ALDH1A2: variants seen among roughly 807,000 people sequenced by gnomAD.
ALDH1A2 encodes aldehyde dehydrogenase 1 family member A2, also known as retinal dehydrogenase 2.
In ALDH1A2, 27 loss-of-function variants were observed where a neutral mutation model predicts 60.3. That is an observed-to-expected ratio of 0.45 (90% CI 0.33 to 0.62). ALDH1A2 has a LOEUF of 0.62. ALDH1A2 is among the 20% of genes least tolerant of loss of function. The pLI is 0.02. For missense variants in ALDH1A2, 581 were observed against 643.8 expected (o/e 0.90, Z 1.06); for synonymous variants, 289 against 232.4 (o/e 1.24, Z -2.21).
At chr15:58,023,706 T>C (rs975466398) in intron 1 of ALDH1A2, among the ~76,000 whole-genome samples, 16 of 146,750 alleles carry the variant, frequency 1.1e-4, no homozygotes, top group Non-Finnish European at 1.9e-4. Context: ...TCTAGCAAAA[T>C]TATCCTTCAC....
chr15:58,033,133 T>C (rs1377733109), intron 1 of ALDH1A2, among the ~76,000 whole-genome samples: 1 of 151,996 alleles, frequency 6.6e-6, no homozygotes, highest in Non-Finnish European at 1.5e-5. Flanking sequence ...TTAACAAAAA[T>C]GTACTGTACT....
intron 7 of ALDH1A2, among the ~76,000 whole-genome samples, chr15:57,982,547 A>C (rs988893746): frequency 6.6e-6 from 1 of 152,168 alleles, no homozygotes; most frequent in Non-Finnish European, 1.5e-5. Flanking sequence ...AGAGAAATTA[A>C]CTCAGGCTGA....
At chr15:57,956,304 A>AAAAAC (rs1471950597) in intron 12 of ALDH1A2, among the ~76,000 whole-genome samples, 3 of 152,234 alleles carry the variant, frequency 2.0e-5, no homozygotes, top group African/African-American at 7.2e-5. Context: ...AGGAAAAAAT[A>AAAAAC]AAAACAATTA....
chr15:57,961,304 G>A lies in ALDH1A2; in HGVS notation c.1252-10C>T. On this transcript the variant is annotated splice_polypyrimidine_tract_variant and intron_variant, in intron 10 of 12. Coordinates refer to ENST00000249750, the MANE Select transcript of ALDH1A2 (RefSeq NM_003888.4). ...GAACAGGGCCAAAGATCTGCAAAAAGATAATATGACTCAACATGGTTGCTC... is the reference window on the plus strand; with the variant it reads ...GAACAGGGCCAAAGATCTGCAAAAAAATAATATGACTCAACATGGTTGCTC... 6.2e-7 allele frequency: 1 copy of A among 1,613,300 alleles called. No individual in the cohort carries two copies. Among genetic ancestry groups the A allele is most frequent in the Non-Finnish European group, 8.5e-7 (1 of 1,179,898 alleles).
chr15:57,974,589 A>C (rs1894182607), intron 7 of ALDH1A2, among the ~76,000 whole-genome samples: 1 of 152,156 alleles, frequency 6.6e-6, no homozygotes, highest in Non-Finnish European at 1.5e-5. Context: ...TCTATCTAGC[A>C]CTTGGATCCT....
At chr15:58,018,948 A>C (rs1289887057) in intron 1 of ALDH1A2, among the ~76,000 whole-genome samples, 1 of 152,210 alleles carries the variant, frequency 6.6e-6, no homozygotes, top group Non-Finnish European at 1.5e-5. Flanking sequence ...GCCAGGAAAA[A>C]AAATACATAT....
intron 1 of ALDH1A2, among the ~76,000 whole-genome samples, chr15:58,039,270 T>G (rs1896455528): frequency 6.6e-6 from 1 of 151,754 alleles, no homozygotes; most frequent in Non-Finnish European, 1.5e-5. Context: ...TTCTCCTTCT[T>G]TATTAATAGT....
intron 1 of ALDH1A2, among the ~76,000 whole-genome samples, chr15:58,019,707 A>T (rs534749907): frequency 6.6e-6 from 1 of 152,154 alleles, no homozygotes; most frequent in Non-Finnish European, 1.5e-5. Context: ...GTCCACTGAC[A>T]TATTATAGGT....
intron 7 of ALDH1A2, among the ~76,000 whole-genome samples, chr15:57,966,067 G>A (rs145039640): frequency 3.6e-4 from 55 of 152,334 alleles, no homozygotes; most frequent in South Asian, 1.2e-3. Flanking sequence ...AAGGAAAAGG[G>A]AGTTAAATCT....
intron 7 of ALDH1A2, among the ~76,000 whole-genome samples, chr15:57,986,921 C>T (rs764114426): frequency 1.3e-5 from 2 of 152,090 alleles, no homozygotes; most frequent in Non-Finnish European, 2.9e-5. Context: ...TCCCAGAGTA[C>T]TAGGATTCCA....
At chr15:57,997,475 G>A (rs1273073329) in intron 4 of ALDH1A2, among the ~76,000 whole-genome samples, 2 of 151,824 alleles carry the variant, frequency 1.3e-5, no homozygotes, top group Non-Finnish European at 2.9e-5. Flanking sequence ...AAATGGGGCT[G>A]AGGAAAAAAA....
chr15:58,050,499 C>G (rs1469291068), intron 1 of ALDH1A2, among the ~76,000 whole-genome samples: 2 of 152,114 alleles, frequency 1.3e-5, no homozygotes, highest in African/African-American at 4.8e-5. Context: ...CTTCAAATTT[C>G]ACTAAAAATC....
At chr15:58,009,744 A>G (rs574278467) in intron 4 of ALDH1A2, among the ~76,000 whole-genome samples, 1 of 152,138 alleles carries the variant, frequency 6.6e-6, no homozygotes, top group African/African-American at 2.4e-5. Flanking sequence ...TCTAACGTCA[A>G]AGTTTTAGCT....
chr15:58,063,647 A>G (rs1897097384), intron 1 of ALDH1A2, among the ~76,000 whole-genome samples: 1 of 152,220 alleles, frequency 6.6e-6, no homozygotes, highest in Non-Finnish European at 1.5e-5. Flanking sequence ...GAATGCTCAC[A>G]GATACCTGAT....
intron 10 of ALDH1A2, 122 bp from the exon 11 acceptor site, chr15:57,961,416 A>T (rs1893716181): frequency 4.0e-6 from 5 of 1,243,188 alleles, no homozygotes; most frequent in Non-Finnish European, 5.7e-6. Flanking sequence ...AGCAGTACAA[A>T]ACTGTAAAAT....
intron 1 of ALDH1A2, among the ~76,000 whole-genome samples, chr15:58,029,212 A>C (rs151062986): frequency 2.0e-5 from 3 of 152,370 alleles, no homozygotes; most frequent in Admixed American, 6.5e-5. Context: ...ACCACAGTGC[A>C]ATCAAATTAG....
At chr15:58,061,610 C>CAAAAA (rs1216992550) in intron 1 of ALDH1A2, among the ~76,000 whole-genome samples, 1 of 100,328 alleles carries the variant, frequency 1.0e-5, no homozygotes, top group African/African-American at 3.5e-5. Flanking sequence ...AAAAAAAAAA[C>CAAAAA]AAAAAAAAAA....
At chr15:58,043,199 TTTCCA>T (rs1337222360) in intron 1 of ALDH1A2, among the ~76,000 whole-genome samples, 4 of 151,964 alleles carry the variant, frequency 2.6e-5, no homozygotes, top group Non-Finnish European at 5.9e-5. Context: ...ACAAATCTTG[TTTCCA>T]GGCTCTTGAC....
chr15:57,963,785 G>A (rs1171199569), intron 9 of ALDH1A2, 100 bp downstream of exon 9: 22 of 1,306,170 alleles, frequency 1.7e-5, no homozygotes, highest in African/African-American at 1.0e-4. Context: ...GGAGTCAGCC[G>A]AAAAGGAAGA....
Sources: allele counts gnomAD v4.1 joint callset (sites outside exome capture counted in the v4.1 genomes callset), GRCh38; gene constraint gnomAD v4.1.1; transcripts MANE v1.5; gene names NCBI Gene and HGNC (gene_info 2026-07-23, HGNC 2026-07-21).